The following FAM193A variants were observed in gnomAD, a reference collection of about 807,000 sequenced individuals.
The protein encoded by FAM193A is protein FAM193A.
FAM193A carries 22 observed loss-of-function variants against 126.5 expected under a neutral mutation model. The ratio of observed to expected loss-of-function variants is 0.17; its 90% CI spans 0.12 to 0.25. The LOEUF (loss-of-function observed/expected upper bound fraction) is 0.25. Ranked by LOEUF, FAM193A falls within the 10% of genes least tolerant of loss-of-function variation. The pLI, the probability that FAM193A is intolerant of heterozygous loss-of-function variation, is 1.00. For missense variants in FAM193A, 1,675 were observed against 1,672.8 expected (o/e 1.00, Z -0.02); for synonymous variants, 761 against 646.8 (o/e 1.18, Z -2.68).
chr4:2,631,166 T>G lies in FAM193A; in HGVS notation c.1035T>G (p.Thr345=). Residue 345 remains threonine (T), a synonymous_variant, in exon 5 of 21, where the codon ACT becomes ACG. Coordinates refer to ENST00000637812, the MANE Select transcript of FAM193A (RefSeq NM_001366318.2). The stretch of plus-strand genomic sequence containing the variant: ...GCTCCATCAGCACCTTCCTTGGCAC[T>G]CTGGTAAGAGAGAAAACGTGTTTTT... The part of the protein sequence containing the change: ...AARSISTFLG[T]LENEHLKKFQ... 3.7e-6 allele frequency: 6 copies of G among 1,605,178 alleles called. No homozygotes were observed. In the South Asian group the frequency reaches 5.5e-5, roughly 15 times the overall value.
In FAM193A at chr4:2,565,276, T is replaced by TTTTTAA. The variant is rs71178481; in HGVS notation, c.255+28106_255+28107insTTTTAA. ...AGCCTTTTTTTTTTTTTTTTTTTTT[T>TTTTTAA]AAAAGATGCAGTCTCCCTCTGTCGC... On this transcript the variant is annotated intron_variant, in intron 1 of 20. Coordinates refer to ENST00000637812, the MANE Select transcript of FAM193A (RefSeq NM_001366318.2). Among the ~76,000 whole-genome samples, 62 of 47,912 alleles carry TTTTTAA rather than the reference T, an allele frequency of 1.3e-3. No homozygotes were observed. In the East Asian group the frequency reaches 0.014, roughly 10 times the overall value. The allele number at this position is 47,912 out of a possible 152,430, so 31.4% of individuals were successfully genotyped here.
intron 1 of FAM193A, among the ~76,000 whole-genome samples, chr4:2,542,059 C>T (rs1737268571): frequency 6.6e-6 from 1 of 151,600 alleles, no homozygotes; most frequent in Admixed American, 6.6e-5. Flanking sequence ...TGCGTCACCC[C>T]AGCTGGCGTA....
intron 1 of FAM193A, among the ~76,000 whole-genome samples, chr4:2,577,343 C>T (rs904657066): frequency 6.6e-6 from 1 of 151,034 alleles, no homozygotes; most frequent in Non-Finnish European, 1.5e-5. Context: ...ATTTCTTTGT[C>T]GTCATTGGTC....
At chr4:2,676,986 T>G (rs1714489176) in intron 13 of FAM193A, among the ~76,000 whole-genome samples, 1 of 152,210 alleles carries the variant, frequency 6.6e-6, no homozygotes, top group Non-Finnish European at 1.5e-5. Context: ...TATTCTTTGT[T>G]GCCTGTGCCT....
chr4:2,731,810 G>A lies in FAM193A; in HGVS notation c.4490G>A (p.Arg1497Lys), dbSNP rs1180102923. 1 of 1,614,138 alleles carries A rather than the reference G, an allele frequency of 6.2e-7. No homozygotes were observed. The highest frequency in any genetic ancestry group is 8.5e-7 in the Non-Finnish European group (1 of 1,180,008). ...GATTCTGCTAGACAGACCCGACAAA[G>A]ACTGTCTATCAACTGGTCCAATTTT... ...CLDSARQTRQ[R>K]LSINWSNFSL... Residue 1497 changes from arginine to lysine, a missense_variant, in exon 21 of 21, where the codon AGA (arginine) becomes AAA (lysine). Arg to Lys is a conservative substitution (Grantham distance 26). Transcript: ENST00000637812.
chr4:2,641,470 A>G (rs185093583), intron 6 of FAM193A, among the ~76,000 whole-genome samples: 1 of 151,672 alleles, frequency 6.6e-6, no homozygotes, highest in African/African-American at 2.4e-5. Flanking sequence ...CCTGGCTAAC[A>G]CGGTGAAACC....
At chr4:2,695,901 CA>C (rs1462716660) in intron 17 of FAM193A, among the ~76,000 whole-genome samples, 2 of 152,102 alleles carry the variant, frequency 1.3e-5, no homozygotes, top group Admixed American at 6.6e-5. Context: ...CCTGTCTCTA[CA>C]AAAGATAAAG....
chr4:2,539,857 G>A (rs1019542251), intron 1 of FAM193A, among the ~76,000 whole-genome samples: 2 of 152,050 alleles, frequency 1.3e-5, no homozygotes, highest in African/African-American at 4.8e-5. Flanking sequence ...CCAGCACTTC[G>A]GGAGGCCGAG....
chr4:2,648,813 C>T (rs1180689123), intron 7 of FAM193A, among the ~76,000 whole-genome samples: 2 of 152,198 alleles, frequency 1.3e-5, no homozygotes, highest in Admixed American at 6.5e-5. Context: ...CATTAACCTT[C>T]TCCAGGAAGT....
chr4:2,569,263 G>A (rs1261385244), intron 1 of FAM193A, among the ~76,000 whole-genome samples: 4 of 151,694 alleles, frequency 2.6e-5, no homozygotes, highest in African/African-American at 7.3e-5. Flanking sequence ...CACTGCGCCC[G>A]GTCCAGATTC....
intron 7 of FAM193A, among the ~76,000 whole-genome samples, chr4:2,653,471 G>GTC (rs1486856207): frequency 6.6e-6 from 1 of 152,042 alleles, no homozygotes; most frequent in Non-Finnish European, 1.5e-5. Context: ...TTTAGACAGA[G>GTC]TCTCTCTCTG....
intron 1 of FAM193A, among the ~76,000 whole-genome samples, chr4:2,579,158 T>C (rs1469698801): frequency 2.0e-5 from 3 of 151,254 alleles, no homozygotes; most frequent in Non-Finnish European, 2.9e-5. Flanking sequence ...CCACTACGCC[T>C]GGCCAGCAGT....
intron 1 of FAM193A, among the ~76,000 whole-genome samples, chr4:2,575,512 G>A (rs1739535037): frequency 6.8e-6 from 1 of 147,778 alleles, no homozygotes; most frequent in Admixed American, 6.8e-5. Flanking sequence ...TGTCACCCAG[G>A]TTGGAGTGCA....
At chr4:2,604,105 C>G (rs538544702) in intron 2 of FAM193A, among the ~76,000 whole-genome samples, 2 of 152,196 alleles carry the variant, frequency 1.3e-5, no homozygotes, top group South Asian at 4.1e-4. Flanking sequence ...ACCCTCCCAA[C>G]TTGCTGAAAT....
intron 6 of FAM193A, among the ~76,000 whole-genome samples, chr4:2,642,566 G>T (rs117521986): frequency 6.6e-6 from 1 of 152,038 alleles, no homozygotes; most frequent in East Asian, 1.9e-4. Flanking sequence ...TTCATCAAAA[G>T]CACTTTTCAT....
At chr4:2,543,159 C>T (rs1229614169) in intron 1 of FAM193A, among the ~76,000 whole-genome samples, 2 of 151,676 alleles carry the variant, frequency 1.3e-5, no homozygotes, top group Non-Finnish European at 2.9e-5. Context: ...GCAATCTTGG[C>T]TCACTGCAAC....
intron 2 of FAM193A, among the ~76,000 whole-genome samples, chr4:2,599,155 C>T (rs1384224519): frequency 5.9e-5 from 9 of 152,038 alleles, no homozygotes; most frequent in African/African-American, 1.7e-4. Context: ...TGGGGCTTTC[C>T]AGGGGTTAGA....
chr4:2,607,347 C>T lies in FAM193A; in HGVS notation c.501+11018C>T, dbSNP rs1741606960. On this transcript the variant is annotated intron_variant, in intron 2 of 20. Coordinates refer to ENST00000637812, the MANE Select transcript of FAM193A (RefSeq NM_001366318.2). ...TGTCTTCGTCCTTGCATTGGTGTTT[C>T]ACTCTTTTCCCCACCATTGTTTTTT... Among the ~76,000 whole-genome samples the T allele has an allele frequency of 5.9e-5, 9 of 152,310 alleles. No homozygotes were observed. In the South Asian group the frequency reaches 1.9e-3, roughly 32 times the overall value.
chr4:2,631,255 C>A, intron 5 of FAM193A, 86 bp downstream of exon 5: 1 of 1,291,472 alleles, frequency 7.7e-7, no homozygotes, highest in Non-Finnish European at 1.1e-6. Context: ...GCATGTGTGC[C>A]GACCTCGCTG....
Sources: allele counts gnomAD v4.1 joint callset (sites outside exome capture counted in the v4.1 genomes callset), GRCh38; gene constraint gnomAD v4.1.1; transcripts MANE v1.5; gene names NCBI Gene and HGNC (gene_info 2026-07-23, HGNC 2026-07-21).